The following CD8B2 variants were observed in gnomAD, a reference collection of about 807,000 sequenced individuals.
CD8B2 encodes the protein T-cell surface glycoprotein CD8 beta-2 chain.
In CD8B2, 11 loss-of-function variants were observed where a neutral mutation model predicts 23.7. That is an observed-to-expected ratio of 0.46 (90% CI 0.29 to 0.77). The LOEUF (loss-of-function observed/expected upper bound fraction) is 0.77. CD8B2 is among the 30% of genes least tolerant of loss of function. The pLI is 0.09. For synonymous variants in CD8B2, 90 were observed against 109.3 expected (o/e 0.82, Z 1.10); for missense variants, 197 against 270.5 (o/e 0.73, Z 1.91).
Position 106,535,681 on chromosome 2 carries a change from G to T in CD8B2, c.621-8311G>T, listed in dbSNP as rs187158309. Reference sequence around the variant, plus strand: ...CTACTTTTCTCTACTCAACAGGGGAGCTGGACATTTTTCCATGTTGTTATT... The same window carrying T: ...CTACTTTTCTCTACTCAACAGGGGATCTGGACATTTTTCCATGTTGTTATT... On this transcript the variant is annotated intron_variant, in intron 5 of 5. Coordinates refer to the CD8B2 transcript ENST00000416057. Among the ~76,000 whole-genome samples the T allele has an allele frequency of 9.9e-4, 151 of 152,282 alleles. 1 individual carries two copies. Among genetic ancestry groups the T allele is most frequent in the African/African-American group, 3.5e-3 (147 of 41,536 alleles).
intron 1 of CD8B2, among the ~76,000 whole-genome samples, chr2:106,490,574 G>A (rs1034214005): frequency 3.3e-5 from 5 of 152,340 alleles, no homozygotes; most frequent in Admixed American, 2.6e-4. Flanking sequence ...AGGCTTGATT[G>A]AGTTCCTTTA....
At position 106,490,897 on chromosome 2, in the gene CD8B2, C is replaced by T; in HGVS notation, c.67C>T (p.Gln23Ter). Residue 23 changes from glutamine (Q) to a stop codon, truncating the protein, a stop_gained, in exon 2 of 6, where the codon CAG becomes TAG. Coordinates refer to ENST00000643224, the MANE Select transcript of CD8B2 (RefSeq NM_001349727.2). LOFTEE classifies it high-confidence loss of function. ...LTVLHGNSVLQQTPAYIKVQT... is the reference protein window; with the variant it reads ...LTVLHGNSVL Reference sequence around the variant, plus strand: ...AGTTCTCCATGGCAACTCAGTCCTCCAGCAGACCCCTGCATACATAAAGGT... The same window carrying T: ...AGTTCTCCATGGCAACTCAGTCCTCTAGCAGACCCCTGCATACATAAAGGT... 1 of 1,586,650 alleles carries T rather than the reference C, an allele frequency of 6.3e-7. No individual in the cohort carries two copies. The highest frequency in any genetic ancestry group is 8.6e-7 in the Non-Finnish European group (1 of 1,165,900).
intron 5 of CD8B2, among the ~76,000 whole-genome samples, chr2:106,506,522 A>G (rs1450457616): frequency 1.3e-5 from 2 of 151,400 alleles, no homozygotes; most frequent in Non-Finnish European, 3.0e-5. Context: ...TGATCCAGGC[A>G]TGGAGAAAAT....
chr2:106,487,491 T>G (rs1170257322), intron 1 of CD8B2, 22 bp downstream of exon 1: 1 of 1,232,462 alleles, frequency 8.1e-7, no homozygotes, highest in Non-Finnish European at 1.0e-6. Context: ...GCGCGCGGGC[T>G]GCCCAAGGTC....
At chr2:106,502,289 T>C (rs1679422162) in intron 3 of CD8B2, among the ~76,000 whole-genome samples, 185 bp from the exon 4 acceptor site, 1 of 36,626 alleles carries the variant, frequency 2.7e-5, no homozygotes, top group Admixed American at 3.7e-4. Flanking sequence ...AGCAAGACTC[T>C]GTCTCAAAAA....
At chr2:106,511,644 G>A (rs558432674), downstream of CD8B2, among the ~76,000 whole-genome samples, 705 of 152,168 alleles carry the variant, frequency 4.6e-3, 6 homozygotes, top group Non-Finnish European at 8.2e-3. Flanking sequence ...ACCCCGCGTG[G>A]GCTGCAAAGC....
rs13427348 is a variant in CD8B2, at chr2:106,504,222, G to A, written c.584-67G>A. On this transcript the variant is annotated intron_variant, in intron 4 of 5. Coordinates refer to ENST00000643224, the MANE Select transcript of CD8B2 (RefSeq NM_001349727.2). ...AGCTGCCCCTGTGACAATCCTCCTT[G>A]GCCTCTGGGGCTCAGCACAGTGACC... is the stretch of plus-strand genomic sequence containing the variant. 2.2e-4 allele frequency: 339 copies of A among 1,550,242 alleles called. 1 individual carries two copies. In the African/African-American group the frequency reaches 4.2e-3, roughly 19 times the overall value.
intron 5 of CD8B2, among the ~76,000 whole-genome samples, chr2:106,537,643 G>A (rs1305778729): frequency 6.6e-6 from 1 of 152,110 alleles, no homozygotes; most frequent in African/African-American, 2.4e-5. Flanking sequence ...CCAGATTGTA[G>A]CTCCTTGTGG....
At chr2:106,533,569 C>T (rs1002963109) in intron 5 of CD8B2, among the ~76,000 whole-genome samples, 1 of 152,080 alleles carries the variant, frequency 6.6e-6, no homozygotes, top group Non-Finnish European at 1.5e-5. Context: ...CCTGTCCATC[C>T]CCTCCTTACT....
In CD8B2 at chr2:106,491,151, G is replaced by A. The variant is rs1679188551; in HGVS notation, c.321G>A (p.Lys107=). The A allele has an allele frequency of 3.1e-6, 5 of 1,613,868 alleles. No homozygotes were observed. The highest frequency in any genetic ancestry group is 4.2e-6 in the Non-Finnish European group (5 of 1,179,862). ...SRFILNLTSV[K]PEDSGIYFCM... is the part of the protein sequence containing the mutation. ...TCATTCTCAATCTCACAAGCGTGAA[G>A]CCGGAGGACAGTGGCATCTACTTCT... is the stretch of plus-strand genomic sequence containing the variant. The change falls in exon 2 of 6, where the codon AAG becomes AAA. Residue 107 remains lysine, a synonymous_variant. Transcript: ENST00000643224.
intron 1 of CD8B2, among the ~76,000 whole-genome samples, chr2:106,489,953 C>A (rs1436481347): frequency 6.6e-6 from 1 of 152,048 alleles, no homozygotes; most frequent in Non-Finnish European, 1.5e-5. Flanking sequence ...CATGAATAAG[C>A]CCCTGCTTGC....
rs945283798 is a variant in CD8B2 at position 106,492,194 on chromosome 2, G to A, written c.403+961G>A. ...CTCAGTGTTCTCTTCTGTGTCACAC[G>A]GGGGTGCTGATGGCCTCCATGACCC... is the stretch of plus-strand genomic sequence containing the variant. On this transcript the variant is annotated intron_variant, in intron 2 of 5. Coordinates refer to ENST00000643224, the MANE Select transcript of CD8B2 (RefSeq NM_001349727.2). Among the ~76,000 whole-genome samples the A allele has an allele frequency of 6.6e-5, 10 of 151,912 alleles. 1 individual carries two copies. The South Asian group carries it at 1.7e-3, about 25-fold the overall frequency.
At chr2:106,537,521 G>A (rs1333193178) in intron 5 of CD8B2, among the ~76,000 whole-genome samples, 2 of 152,048 alleles carry the variant, frequency 1.3e-5, no homozygotes, top group East Asian at 3.9e-4. Flanking sequence ...GAGGTTAAGA[G>A]AGGTGTGTGG....
intron 3 of CD8B2, among the ~76,000 whole-genome samples, chr2:106,498,333 A>T (rs2104554493): frequency 6.6e-6 from 1 of 152,110 alleles, no homozygotes; most frequent in Admixed American, 6.5e-5. Flanking sequence ...TTTTTAGTAG[A>T]GGCAGGGTTT....
chr2:106,523,876 TG>T (rs1679867028), intron 5 of CD8B2, among the ~76,000 whole-genome samples: 1 of 152,204 alleles, frequency 6.6e-6, no homozygotes, highest in Non-Finnish European at 1.5e-5. Flanking sequence ...TTGGGTCGGC[TG>T]TCTCATTGTC....
chr2:106,524,430 T>A (rs1161684270), intron 5 of CD8B2, among the ~76,000 whole-genome samples: 1 of 152,174 alleles, frequency 6.6e-6, no homozygotes, highest in African/African-American at 2.4e-5. Context: ...TTGAAGGGTG[T>A]TCAGCTGGAG....
intron 5 of CD8B2, among the ~76,000 whole-genome samples, chr2:106,504,952 C>A (rs1221086546): frequency 6.6e-6 from 1 of 152,182 alleles, no homozygotes; most frequent in Non-Finnish European, 1.5e-5. Context: ...CGCCCTCGAC[C>A]CCATCTGGGT....
chr2:106,525,403 C>G (rs938302357), intron 5 of CD8B2, among the ~76,000 whole-genome samples: 1 of 152,210 alleles, frequency 6.6e-6, no homozygotes, highest in Non-Finnish European at 1.5e-5. Flanking sequence ...GGCACCCTAT[C>G]TATCATAACT....
At chr2:106,499,540 A>G (rs1478309172) in intron 3 of CD8B2, among the ~76,000 whole-genome samples, 1 of 151,942 alleles carries the variant, frequency 6.6e-6, no homozygotes, top group African/African-American at 2.4e-5. Context: ...TCAAAAAAAA[A>G]AAAAAAAAAA....
Sources: allele counts gnomAD v4.1 joint callset (sites outside exome capture counted in the v4.1 genomes callset), GRCh38; gene constraint gnomAD v4.1.1; transcripts MANE v1.5; gene names NCBI Gene and HGNC (gene_info 2026-07-23, HGNC 2026-07-21).